MBP: variants seen among roughly 807,000 people sequenced by gnomAD.
MBP encodes myelin basic protein, also known as Golli-MBP.
Under a neutral mutation model 35.8 loss-of-function variants are expected in MBP, and 16 were observed. The observed-to-expected ratio is 0.45, with a 90% CI of 0.30 to 0.68. The LOEUF is 0.68. Among genes scored for constraint, MBP ranks in the 30% least tolerant of loss-of-function variants. The probability of loss-of-function intolerance (pLI) is 0.08; values close to 1 mark genes in which losing one functional copy is unlikely to be tolerated. For missense variants in MBP, 380 were observed against 404.7 expected (o/e 0.94, Z 0.52); for synonymous variants, 143 against 159.6 (o/e 0.90, Z 0.78).
chr18:77,123,272 C>G (rs138978393), intron 1 of MBP, among the ~76,000 whole-genome samples: 62 of 152,344 alleles, frequency 4.1e-4, no homozygotes, highest in African/African-American at 1.3e-3. Context: ...AAACGTTCCT[C>G]ATCAGATGAA....
chr18:76,998,490 G>A (rs920263411), intron 4 of MBP, among the ~76,000 whole-genome samples: 2 of 152,062 alleles, frequency 1.3e-5, no homozygotes, highest in African/African-American at 4.8e-5. Flanking sequence ...CAGGCTCCCC[G>A]GAGCCACGCT....
intron 4 of MBP, among the ~76,000 whole-genome samples, chr18:77,001,202 G>A (rs907404873): frequency 2.0e-5 from 3 of 147,042 alleles, no homozygotes; most frequent in Non-Finnish European, 3.0e-5. Flanking sequence ...TCACTGTCCC[G>A]GACCCTGAAG....
intron 2 of MBP, among the ~76,000 whole-genome samples, chr18:77,080,462 G>A (rs957087828): frequency 2.6e-5 from 4 of 152,160 alleles, no homozygotes; most frequent in Admixed American, 6.5e-5. Flanking sequence ...CCTGCGTGGC[G>A]GGGTGTTTGG....
chr18:77,026,763 G>C lies in MBP; in HGVS notation c.140-9495C>G, dbSNP rs546203646. ...TACCTGTAGTCCCAGCTCCTCAGGA[G>C]GCTGAGGTGGGAGGATCACTTAAGC... On this transcript the variant is annotated intron_variant, in intron 3 of 8. Transcript: ENST00000355994. 1.6e-4 allele frequency among the ~76,000 whole-genome samples: 24 copies of C among 152,310 alleles called. 1 individual carries two copies. The South Asian group carries it at 5.0e-3, about 32-fold the overall frequency.
rs535751655 is a variant in MBP at position 77,056,296 on chromosome 18, C to T, written c.139+10002G>A. 5.9e-5 allele frequency among the ~76,000 whole-genome samples: 9 copies of T among 152,226 alleles called. No individual in the cohort carries two copies. The South Asian group carries it at 8.3e-4, about 14-fold the overall frequency. The stretch of plus-strand genomic sequence containing the variant: ...TTGGCCCAGACAGCCTTGCCATTCC[C>T]GTCCGGGGGATTAAACCTTGAACAG... On this transcript the variant is annotated intron_variant, in intron 3 of 8. Coordinates refer to ENST00000355994, the MANE Select transcript of MBP (RefSeq NM_001025101.2).
intron 4 of MBP, chr18:77,010,269 T>C (rs181785191): frequency 7.4e-6 from 2 of 271,224 alleles, no homozygotes; most frequent in African/African-American, 4.4e-5. Context: ...GTTCTTAATA[T>C]GGCAGCAGGC....
At position 77,106,660 on chromosome 18, in the gene MBP, C is replaced by T. The variant is rs139051071; in HGVS notation, c.-25-1374G>A. 2.3e-3 allele frequency among the ~76,000 whole-genome samples: 352 copies of T among 152,258 alleles called. 2 individuals carry two copies. Among genetic ancestry groups the T allele is most frequent in the Middle Eastern group, 6.8e-3 (2 of 294 alleles). ...CAAAGTGCCCACAGATGAGGCTCTG[C>T]GAAATCAAAGACGCGGTTCTAGTGA... On this transcript the variant is annotated intron_variant, in intron 1 of 8. Coordinates refer to ENST00000355994, the MANE Select transcript of MBP (RefSeq NM_001025101.2).
intron 3 of MBP, among the ~76,000 whole-genome samples, chr18:77,053,083 C>T (rs1233326249): frequency 2.0e-5 from 3 of 152,242 alleles, no homozygotes; most frequent in Non-Finnish European, 2.9e-5. Context: ...GCCGTGTCCC[C>T]GTGATAGGCC....
Position 77,059,604 on chromosome 18 carries a change from A to AT in MBP, c.139+6693dup, listed in dbSNP as rs541691446. ...TATGTGTAACACTATAAATAAATATATTTTTGCTTAAAAAATCAGGGGAAT... is the reference window on the plus strand; with the variant it reads ...TATGTGTAACACTATAAATAAATATATTTTTTGCTTAAAAAATCAGGGGAAT... On this transcript the variant is annotated intron_variant, in intron 3 of 8. Coordinates refer to ENST00000355994, the MANE Select transcript of MBP (RefSeq NM_001025101.2). Among the ~76,000 whole-genome samples, 24 of 152,210 alleles carry AT rather than the reference A, an allele frequency of 1.6e-4. 1 individual carries two copies. In the South Asian group the frequency reaches 5.0e-3, roughly 32 times the overall value.
chr18:77,075,251 C>A (rs1025838119), intron 2 of MBP, among the ~76,000 whole-genome samples: 1 of 152,214 alleles, frequency 6.6e-6, no homozygotes, highest in African/African-American at 2.4e-5. Context: ...TTATTAATTA[C>A]CTTTGAGCAA....
chr18:77,095,231 G>C (rs1158170855), intron 2 of MBP: 1 of 152,208 alleles, frequency 6.6e-6, no homozygotes, highest in Non-Finnish European at 1.5e-5. Context: ...CTCAGTGCCT[G>C]CATGTGTCCA....
chr18:76,998,561 C>T (rs1192377007), intron 4 of MBP, among the ~76,000 whole-genome samples: 2 of 152,182 alleles, frequency 1.3e-5, no homozygotes, highest in South Asian at 2.1e-4. Context: ...GATGCCCGAA[C>T]GCCCCACCCT....
intron 2 of MBP, among the ~76,000 whole-genome samples, chr18:77,091,258 A>G (rs965395845): frequency 1.3e-5 from 2 of 152,208 alleles, no homozygotes; most frequent in African/African-American, 4.8e-5. Flanking sequence ...TGCCTGACTT[A>G]CAGTTTGTAT....
intron 8 of MBP, chr18:76,982,733 C>A (rs1052962109): frequency 1.3e-5 from 2 of 152,226 alleles, no homozygotes; most frequent in East Asian, 1.9e-4. Flanking sequence ...CCCCTCATTT[C>A]TGGGGGAGCT....
intron 1 of MBP, among the ~76,000 whole-genome samples, chr18:77,122,596 G>A (rs563330430): frequency 1.6e-4 from 25 of 152,244 alleles, no homozygotes; most frequent in Non-Finnish European, 2.6e-4. Context: ...AGGCTGGAGT[G>A]CATTGGCGCA....
chr18:77,012,661 G>A (rs1385935059), intron 4 of MBP: 3 of 334,916 alleles, frequency 9.0e-6, no homozygotes, highest in Non-Finnish European at 1.3e-5. Context: ...AGGAGCTCGG[G>A]TGCTCACACT....
chr18:77,107,017 G>A (rs968922388), intron 1 of MBP, among the ~76,000 whole-genome samples: 2 of 152,162 alleles, frequency 1.3e-5, no homozygotes, highest in Admixed American at 6.5e-5. Context: ...TCCTTGTGAG[G>A]TGTCGTTTGA....
Position 76,989,604 on chromosome 18 carries a change from C to T in MBP, c.681+352G>A, listed in dbSNP as rs1322279830. 1.7e-5 allele frequency: 5 copies of T among 286,042 alleles called. No individual in the cohort carries two copies. Among genetic ancestry groups the T allele is most frequent in the Admixed American group, 5.0e-5 (1 of 19,904 alleles). 17.7% of individuals were successfully genotyped at this position (286,042 alleles called of 1,614,324 possible). A position where few individuals can be genotyped will look rare whatever the true frequency, so the allele number is the denominator to read the frequency against. On this transcript the variant is annotated intron_variant, in intron 5 of 8. Coordinates refer to ENST00000355994, the MANE Select transcript of MBP (RefSeq NM_001025101.2). The surrounding 1 kb of genome is among the most constrained non-coding windows in gnomAD (Gnocchi z 4.0). ...CTGCCCGAAAAATGCCCTAAAAATG[C>T]CCTGTGCTCTCTCTGCTGCCCCCTC...
intron 4 of MBP, among the ~76,000 whole-genome samples, chr18:76,997,846 TG>T (rs1462565164): frequency 9.2e-5 from 14 of 151,814 alleles, no homozygotes; most frequent in Admixed American, 2.6e-4. Flanking sequence ...CACGCCCGGC[TG>T]ATTTTTTTGT....
Sources: allele counts gnomAD v4.1 joint callset (sites outside exome capture counted in the v4.1 genomes callset), GRCh38; gene constraint gnomAD v4.1.1; non-coding constraint Gnocchi (gnomAD v3.1); transcripts MANE v1.5; gene names NCBI Gene and HGNC (gene_info 2026-07-23, HGNC 2026-07-21).